Variants in SCLT1 observed in about 807,000 individuals in gnomAD.
SCLT1 encodes sodium channel and clathrin linker 1, also known as sodium channel-associated protein 1.
A neutral mutation model predicts 112.8 loss-of-function variants in SCLT1; 78 were observed. That is an observed-to-expected ratio of 0.69 (90% CI 0.58 to 0.83). The LOEUF is 0.83. Among genes scored for constraint, SCLT1 ranks in the 40% least tolerant of loss-of-function variants. The pLI is 0.00. For synonymous variants in SCLT1, 257 were observed against 254.7 expected, an observed-to-expected ratio of 1.01 and a Z score of -0.09; for missense variants, 747 against 770.4, an observed-to-expected ratio of 0.97 and a Z score of 0.36.
intron 18 of SCLT1, among the ~76,000 whole-genome samples, chr4:128,933,006 T>G (rs745379702): frequency 1.3e-4 from 20 of 152,302 alleles, no homozygotes; most frequent in Middle Eastern, 3.4e-3. Flanking sequence ...ATTAATATTG[T>G]CACAATGTCG....
intron 2 of SCLT1, among the ~76,000 whole-genome samples, chr4:129,058,305 A>G (rs961402794): frequency 1.3e-5 from 2 of 151,896 alleles, no homozygotes; most frequent in Non-Finnish European, 2.9e-5. Context: ...GTTCCTTCAG[A>G]TGTTTCATTA....
chr4:129,078,666 T>C (rs1360222035), intron 2 of SCLT1, among the ~76,000 whole-genome samples: 1 of 152,128 alleles, frequency 6.6e-6, no homozygotes, highest in Non-Finnish European at 1.5e-5. Flanking sequence ...AAATATTGAA[T>C]ATACATTAAA....
chr4:129,039,516 G>A, intron 4 of SCLT1: 1 of 157,610 alleles, frequency 6.3e-6, no homozygotes, highest in Non-Finnish European at 1.4e-5. Context: ...TATTTCAAAA[G>A]GTAAAATGCT....
chr4:128,981,771 T>G (rs535940617), intron 9 of SCLT1, among the ~76,000 whole-genome samples: 1 of 151,724 alleles, frequency 6.6e-6, no homozygotes, highest in African/African-American at 2.4e-5. Flanking sequence ...AAAAAAATGT[T>G]GTGACAGATG....
chr4:128,896,670 C>T (rs533111738), intron 18 of SCLT1, among the ~76,000 whole-genome samples: 21 of 152,252 alleles, frequency 1.4e-4, no homozygotes, highest in South Asian at 4.1e-4. Context: ...CAAAGCTGGA[C>T]GGAGAATGAC....
chr4:129,044,065 T>G lies in SCLT1; in HGVS notation c.103-14A>C. The G allele has an allele frequency of 6.8e-7, 1 of 1,471,344 alleles. No individual in the cohort carries two copies. The highest frequency in any genetic ancestry group is 1.2e-5 in the South Asian group (1 of 84,598). 91.1% of individuals were successfully genotyped at this position (1,471,344 alleles called of 1,614,324 possible). A position where few individuals can be genotyped will look rare whatever the true frequency, so the allele number is the denominator to read the frequency against. The stretch of plus-strand genomic sequence containing the variant: ...GCAGACAGCTTTCTATAAAAGAATG[T>G]ACATCTTAAAATGTGTTCTCACATC... On this transcript the variant is annotated splice_polypyrimidine_tract_variant and intron_variant, in intron 2 of 20. Transcript: ENST00000281142.
intron 5 of SCLT1, among the ~76,000 whole-genome samples, chr4:129,006,443 C>A (rs1744028656): frequency 6.7e-6 from 1 of 149,396 alleles, no homozygotes; most frequent in Admixed American, 6.8e-5. Flanking sequence ...GAGGCTGAGG[C>A]AGAAGAATTG....
At chr4:128,984,804 T>C (rs1432822551) in intron 9 of SCLT1, among the ~76,000 whole-genome samples, 1 of 152,126 alleles carries the variant, frequency 6.6e-6, no homozygotes, top group East Asian at 1.9e-4. Flanking sequence ...CTGTAAAAGA[T>C]ATTCTCATTT....
intron 5 of SCLT1, among the ~76,000 whole-genome samples, chr4:129,029,136 A>G (rs1416028234): frequency 6.6e-6 from 1 of 152,166 alleles, no homozygotes; most frequent in African/African-American, 2.4e-5. Context: ...TCAGGGATCT[A>G]GAACTAGAAA....
chr4:129,054,664 A>C (rs1235059684), intron 2 of SCLT1, among the ~76,000 whole-genome samples: 1 of 152,072 alleles, frequency 6.6e-6, no homozygotes, highest in Non-Finnish European at 1.5e-5. Flanking sequence ...CCTTTTTATG[A>C]AGGTTCTGAG....
chr4:129,020,287 A>C (rs1745350521), intron 5 of SCLT1, among the ~76,000 whole-genome samples: 1 of 152,106 alleles, frequency 6.6e-6, no homozygotes. Context: ...ATACACTCTT[A>C]TATATATACT....
chr4:128,945,451 A>G (rs1456438363), intron 16 of SCLT1, among the ~76,000 whole-genome samples: 1 of 152,196 alleles, frequency 6.6e-6, no homozygotes, highest in Non-Finnish European at 1.5e-5. Flanking sequence ...ACTAAAAAAA[A>G]TCTTTATTAA....
intron 5 of SCLT1, among the ~76,000 whole-genome samples, chr4:129,013,362 T>C (rs1440540360): frequency 6.6e-6 from 1 of 152,216 alleles, no homozygotes; most frequent in Admixed American, 6.5e-5. Flanking sequence ...TCGTGTCAGC[T>C]GGTTATTTTG....
chr4:129,062,784 T>C (rs1750108398), intron 2 of SCLT1, among the ~76,000 whole-genome samples: 1 of 152,224 alleles, frequency 6.6e-6, no homozygotes, highest in Non-Finnish European at 1.5e-5. Context: ...CCTTTGTATG[T>C]TATAAGTCCT....
chr4:129,090,012 T>C (rs1752701615), intron 1 of SCLT1, among the ~76,000 whole-genome samples: 1 of 151,944 alleles, frequency 6.6e-6, no homozygotes, highest in African/African-American at 2.4e-5. Flanking sequence ...TAAAGTATAA[T>C]AATAAAAAAG....
chr4:128,985,222 A>G (rs1741982910), intron 9 of SCLT1, among the ~76,000 whole-genome samples: 1 of 152,156 alleles, frequency 6.6e-6, no homozygotes, highest in African/African-American at 2.4e-5. Flanking sequence ...CTGGGAATGG[A>G]ACTTTATTCT....
intron 5 of SCLT1, among the ~76,000 whole-genome samples, chr4:129,007,404 A>G (rs532452037): frequency 1.3e-5 from 2 of 151,960 alleles, no homozygotes; most frequent in African/African-American, 4.8e-5. Context: ...ACATTTTTGT[A>G]TTCTGAGTCT....
intron 18 of SCLT1, among the ~76,000 whole-genome samples, chr4:128,906,874 A>G (rs2125941449): frequency 6.6e-6 from 1 of 152,346 alleles, no homozygotes; most frequent in Non-Finnish European, 1.5e-5. Flanking sequence ...CTAGGCTTAA[A>G]ATAGGTAGCA....
chr4:129,037,430 T>C (rs1747280602), intron 5 of SCLT1: 1 of 152,196 alleles, frequency 6.6e-6, no homozygotes, highest in Non-Finnish European at 1.5e-5. Context: ...AGACCATTTT[T>C]TCTGTTGATA....
Sources: allele counts gnomAD v4.1 joint callset (sites outside exome capture counted in the v4.1 genomes callset), GRCh38; gene constraint gnomAD v4.1.1; transcripts MANE v1.5; gene names NCBI Gene and HGNC (gene_info 2026-07-23, HGNC 2026-07-21).